Variants in KCNK4 observed in about 807,000 individuals in gnomAD.
KCNK4 encodes potassium two pore domain channel subfamily K member 4.
In KCNK4, 22 loss-of-function variants were observed where a neutral mutation model predicts 28.8. The ratio of observed to expected loss-of-function variants is 0.76; its 90% confidence interval spans 0.55 to 1.09. KCNK4 has a LOEUF of 1.09. Among genes scored for constraint, KCNK4 ranks in the 50% least tolerant of loss-of-function variants. The probability of loss-of-function intolerance (pLI) is 0.00; values close to 1 mark genes in which losing one functional copy is unlikely to be tolerated. For missense variants in KCNK4, 483 were observed against 546.3 expected (o/e 0.88, Z 1.15); for synonymous variants, 263 against 252.9 (o/e 1.04, Z -0.38).
At chr11:64,296,358 TTCCATAGG>T (rs2034764000) in intron 2 of KCNK4, among the ~76,000 whole-genome samples, 3 of 152,154 alleles carry the variant, frequency 2.0e-5, no homozygotes, top group Admixed American at 1.3e-4. Context: ...CAAATTCAGC[TTCCATAGG>T]TGCAATGGGA....
chr11:64,299,944 A>T lies in KCNK4; in HGVS notation c.*218A>T, dbSNP rs1380295295. 34 of 806,866 alleles carry T rather than the reference A, an allele frequency of 4.2e-5. No homozygotes were observed. The highest frequency in any genetic ancestry group is 6.0e-5 in the Non-Finnish European group (31 of 514,114). 50.0% of individuals were successfully genotyped at this position (806,866 alleles called of 1,614,324 possible). On this transcript the variant is annotated 3_prime_UTR_variant, in exon 7 of 7. Transcript: ENST00000422670. The stretch of plus-strand genomic sequence containing the variant: ...CTGTGTCGCTGCCCCGGGCGGGTGT[A>T]TCCCTCACAGCACCTCACGACTGTG...
At chr11:64,296,011 A>G (rs576140730) in intron 2 of KCNK4, 2 of 152,160 alleles carry the variant, frequency 1.3e-5, no homozygotes, top group Non-Finnish European at 2.9e-5. Context: ...AAATAGGGAC[A>G]TTACATTCAT....
At chr11:64,292,394 C>T (rs2034653240) in intron 1 of KCNK4, among the ~76,000 whole-genome samples, 1 of 152,074 alleles carries the variant, frequency 6.6e-6, no homozygotes, top group South Asian at 2.1e-4. Flanking sequence ...CTCGAAAGCC[C>T]GGCGGGGCGC....
rs76234331 is a variant in KCNK4 at position 64,293,983 on chromosome 11, A to G, written c.189+776A>G. On this transcript the variant is annotated intron_variant, in intron 2 of 6. Coordinates refer to ENST00000422670, the MANE Select transcript of KCNK4 (RefSeq NM_033310.3). Reference sequence around the variant, plus strand: ...GGCAACCCTACCTACACCGGTTCCCATACTTTTCTTGGAGTCATGTGCCTT... The same window carrying G: ...GGCAACCCTACCTACACCGGTTCCCGTACTTTTCTTGGAGTCATGTGCCTT... Among the ~76,000 whole-genome samples, 4 of 152,334 alleles carry G rather than the reference A, an allele frequency of 2.6e-5. No individual in the cohort carries two copies. The East Asian group carries it at 5.8e-4, about 22-fold the overall frequency.
At position 64,297,142 on chromosome 11, in the gene KCNK4, A is replaced by G. The variant is rs753575067; in HGVS notation, c.337A>G (p.Thr113Ala). The G allele has an allele frequency of 4.3e-6, 7 of 1,613,994 alleles. No homozygotes were observed. The African/African-American group carries it at 9.3e-5, about 22-fold the overall frequency. ...TIGYGNVALRTDAGRLFCIFY... is the reference protein window; with the variant it reads ...TIGYGNVALRADAGRLFCIFY... ...AGGCTATGGCAATGTGGCCCTGCGC[A>G]CAGATGCCGGGCGCCTCTTCTGCAT... The change falls in exon 4 of 7, where the codon ACA becomes GCA. Residue 113 changes from threonine to alanine, a missense_variant. Thr to Ala is a moderately conservative substitution (Grantham distance 58). Transcript: ENST00000422670.
In KCNK4 at chr11:64,298,214, T is replaced by A. The variant is rs1283277452; in HGVS notation, c.766T>A (p.Trp256Arg). Residue 256 changes from tryptophan (W) to arginine (R), a missense_variant, in exon 6 of 7, where the codon TGG becomes AGG. Coordinates refer to ENST00000422670, the MANE Select transcript of KCNK4 (RefSeq NM_033310.3). ...FASVLTTIGN[W>R]LRVVSRRTRA... ...CTCAGTGCTCACCACCATCGGGAACTGGCTGCGAGTAGTGTCCCGCCGCAC... is the reference window on the plus strand; with the variant it reads ...CTCAGTGCTCACCACCATCGGGAACAGGCTGCGAGTAGTGTCCCGCCGCAC... The A allele has an allele frequency of 3.7e-6, 6 of 1,613,068 alleles. No individual in the cohort carries two copies. In the African/African-American group the frequency reaches 8.0e-5, roughly 22 times the overall value.
rs190639273 is a variant in KCNK4, at chr11:64,293,461, G to A, written c.189+254G>A. On this transcript the variant is annotated intron_variant, in intron 2 of 6. Coordinates refer to ENST00000422670, the MANE Select transcript of KCNK4 (RefSeq NM_033310.3). ...ATGTCTCCTTCAGGGTGTGATGGTG[G>A]TGGGATGAGGGGGAAATGAATGAAT... Among the ~76,000 whole-genome samples, 180 of 113,598 alleles carry A rather than the reference G, an allele frequency of 1.6e-3. 1 individual carries two copies. The highest frequency in any genetic ancestry group is 4.7e-3 in the African/African-American group (173 of 36,464). 74.5% of individuals were successfully genotyped at this position (113,598 alleles called of 152,430 possible). A position where few individuals can be genotyped will look rare whatever the true frequency, so the allele number is the denominator to read the frequency against.
rs1445496265 is a variant in KCNK4 at position 64,293,090 on chromosome 11, C to T, written c.72C>T (p.Phe24=). Residue 24 remains phenylalanine, a synonymous_variant, in exon 2 of 7, where the codon TTC becomes TTT. Coordinates refer to ENST00000422670, the MANE Select transcript of KCNK4 (RefSeq NM_033310.3). ...ACTTGGTGTCTGGTGCCCTGGTGTT[C>T]CGGGCCCTGGAGCAGCCCCACGAGC... ...LLYLVSGALV[F]RALEQPHEQQ... The T allele has an allele frequency of 1.3e-6, 2 of 1,548,676 alleles. No homozygotes were observed. The highest frequency in any genetic ancestry group is 2.5e-5 in the East Asian group (1 of 40,784).
chr11:64,299,638 C>A lies in KCNK4; in HGVS notation c.1094C>A (p.Pro365Gln), dbSNP rs201234773. The change falls in exon 7 of 7, where the codon CCG (proline) becomes CAG (glutamine). Residue 365 changes from proline to glutamine, a missense_variant. By Grantham distance (76) the Pro-to-Gln change is moderately conservative (BLOSUM62 -1). Transcript: ENST00000422670. ...SERGCPLPRA[P>Q]RGRRRPNPPR... ...CGCGGCTGCCCGCTGCCCCGCGCGC[C>A]GAGAGGTCGCCGCCGCCCAAATCCC... The A allele has an allele frequency of 4.4e-6, 7 of 1,607,216 alleles. No homozygotes were observed.
At chr11:64,297,947 T>C (rs182028260) in intron 5 of KCNK4, among the ~76,000 whole-genome samples, 163 bp from the exon 6 acceptor site, 1 of 152,188 alleles carries the variant, frequency 6.6e-6, no homozygotes, top group Non-Finnish European at 1.5e-5. Context: ...TTTCAACTCA[T>C]GCACACCACT....
In KCNK4 at chr11:64,299,688, G is replaced by C; in HGVS notation, c.1144G>C (p.Gly382Arg). Residue 382 changes from glycine (G) to arginine (R), a missense_variant, in exon 7 of 7, where the codon GGC (glycine) becomes CGC (arginine). Physicochemically the swap from Gly to Arg is moderately radical, Grantham distance 125. Transcript: ENST00000422670. Reference protein sequence around the residue: ...NPPRKPVRPRGPGRPRDKGVP... With the variant: ...NPPRKPVRPRRPGRPRDKGVP... ...CCCCAGGAAGCCCGTGCGGCCCCGC[G>C]GCCCCGGGCGTCCCCGAGACAAAGG... The C allele has an allele frequency of 3.2e-6, 5 of 1,571,482 alleles. No individual in the cohort carries two copies. Among genetic ancestry groups the C allele is most frequent in the Non-Finnish European group, 4.3e-6 (5 of 1,159,916 alleles).
At chr11:64,291,949 A>G in intron 1 of KCNK4, 2 of 906,710 alleles carry the variant, frequency 2.2e-6, no homozygotes, top group South Asian at 1.9e-5. Context: ...CGCTGTGCGG[A>G]CGCGGGGGAG....
In KCNK4 at chr11:64,292,995, G is replaced by A. The variant is rs1215965974; in HGVS notation, c.-24G>A. On this transcript the variant is annotated 5_prime_UTR_variant, in exon 2 of 7. Transcript: ENST00000422670. ...CCGGCCCCTCCAGGCGGGCAGTGGAGCTGGCCCGGCGCCTGGGCGCGCCAT... is the reference window on the plus strand; with the variant it reads ...CCGGCCCCTCCAGGCGGGCAGTGGAACTGGCCCGGCGCCTGGGCGCGCCAT... 6.5e-7 allele frequency: 1 copy of A among 1,529,166 alleles called. No homozygotes were observed. Among genetic ancestry groups the A allele is most frequent in the Non-Finnish European group, 8.8e-7 (1 of 1,139,350 alleles). The allele number at this position is 1,529,166 out of a possible 1,614,324, so 94.7% of individuals were successfully genotyped here.
intron 6 of KCNK4, among the ~76,000 whole-genome samples, chr11:64,298,456 C>T (rs957777216): frequency 1.3e-5 from 2 of 152,092 alleles, no homozygotes; most frequent in South Asian, 2.1e-4. Context: ...GTAGGATTGC[C>T]GGATTTAGCA....
In KCNK4 at chr11:64,297,163, T is replaced by C. The variant is rs758483618; in HGVS notation, c.358T>C (p.Cys120Arg). The change falls in exon 4 of 7, where the codon TGC (cysteine) becomes CGC (arginine). Residue 120 changes from cysteine (C) to arginine (R), a missense_variant. Cys to Arg is a radical substitution (Grantham distance 180). Coordinates refer to ENST00000422670, the MANE Select transcript of KCNK4 (RefSeq NM_033310.3). The stretch of plus-strand genomic sequence containing the variant: ...GCGCACAGATGCCGGGCGCCTCTTC[T>C]GCATCTTTTATGCGCTGGTGGGGAT... ...ALRTDAGRLF[C>R]IFYALVGIPL... The C allele has an allele frequency of 6.2e-7, 1 of 1,614,192 alleles. No homozygotes were observed. The highest frequency in any genetic ancestry group is 1.1e-5 in the South Asian group (1 of 91,086).
At chr11:64,294,432 C>T (rs1324652663) in intron 2 of KCNK4, among the ~76,000 whole-genome samples, 4 of 148,530 alleles carry the variant, frequency 2.7e-5, no homozygotes, top group East Asian at 2.0e-4. Context: ...GCAGGAGAAT[C>T]GCTTGAACCC....
At chr11:64,298,341 G>T (rs1401623678) in intron 6 of KCNK4, 92 bp downstream of exon 6, 1 of 1,501,890 alleles carries the variant, frequency 6.7e-7, no homozygotes, top group African/African-American at 1.4e-5. Context: ...CTCCTATCCA[G>T]GGCGTGGGCT....
Position 64,299,758 on chromosome 11 carries a change from C to G in KCNK4, c.*32C>G. 1.9e-6 allele frequency: 3 copies of G among 1,541,420 alleles called. No individual in the cohort carries two copies. The highest frequency in any genetic ancestry group is 2.6e-6 in the Non-Finnish European group (3 of 1,149,224). ...GATCCCTGGCCGGGCCTCTCAAGGGCTTCGTTTCTGCTCTCCCCGGCATGC... is the reference window on the plus strand; with the variant it reads ...GATCCCTGGCCGGGCCTCTCAAGGGGTTCGTTTCTGCTCTCCCCGGCATGC... On this transcript the variant is annotated 3_prime_UTR_variant, in exon 7 of 7. Transcript: ENST00000422670.
At position 64,299,560 on chromosome 11, in the gene KCNK4, A is replaced by T; in HGVS notation, c.1016A>T (p.Tyr339Phe). 6.2e-7 allele frequency: 1 copy of T among 1,609,794 alleles called. No individual in the cohort carries two copies. Among genetic ancestry groups the T allele is most frequent in the Non-Finnish European group, 8.5e-7 (1 of 1,178,912 alleles). The change falls in exon 7 of 7, where the codon TAT (tyrosine) becomes TTT (phenylalanine). Residue 339 changes from tyrosine (Y) to phenylalanine (F), a missense_variant. Coordinates refer to ENST00000422670, the MANE Select transcript of KCNK4 (RefSeq NM_033310.3). ...CCGCCCACGGCCTCGGCCCTGGATT[A>T]TCCCAGCGAGAACCTGGCCTTCATC... ...PSPPTASALD[Y>F]PSENLAFIDE...
Sources: gnomAD v4.1 joint callset for allele counts (sites outside exome capture counted in the v4.1 genomes callset) on GRCh38, gnomAD v4.1.1 for gene constraint, MANE v1.5 for transcripts, NCBI Gene and HGNC (gene_info 2026-07-23, HGNC 2026-07-21) for gene names.